RAPGEF2: variants seen among roughly 807,000 people sequenced by gnomAD.
RAPGEF2 encodes the protein PDZ domain containing guanine nucleotide exchange factor (GEF) 1.
RAPGEF2 carries 54 observed loss-of-function variants against 186.7 expected under a neutral mutation model. The observed-to-expected ratio is 0.29, with a 90% CI of 0.23 to 0.36. The LOEUF (loss-of-function observed/expected upper bound fraction) is 0.36, where lower values mean the gene tolerates loss of function less well. RAPGEF2 is among the 10% of genes least tolerant of loss of function. RAPGEF2 has a pLI of 1.00. For missense variants in RAPGEF2, 1,532 were observed against 2,045.0 expected (o/e 0.75, Z 4.84); for synonymous variants, 712 against 705.9 (o/e 1.01, Z -0.14).
intron 1 of RAPGEF2, among the ~76,000 whole-genome samples, chr4:159,131,846 C>T (rs1393061713): frequency 6.6e-6 from 1 of 151,864 alleles, no homozygotes; most frequent in East Asian, 1.9e-4. Context: ...AATACTTAGC[C>T]TTTCTTTGTA....
intron 8 of RAPGEF2, among the ~76,000 whole-genome samples, chr4:159,312,705 C>T (rs1579891212): frequency 6.6e-6 from 1 of 152,104 alleles, no homozygotes; most frequent in African/African-American, 2.4e-5. Context: ...ATAATATATG[C>T]ATTTTAGTTC....
chr4:159,250,665 CTTTTTTT>C (rs34304252), intron 7 of RAPGEF2, among the ~76,000 whole-genome samples: 6 of 123,054 alleles, frequency 4.9e-5, no homozygotes, highest in African/African-American at 9.5e-5. Context: ...TAGCACTCTT[CTTTTTTT>C]TTTTTTTTTT....
chr4:159,270,664 A>G (rs1258414129), intron 7 of RAPGEF2, among the ~76,000 whole-genome samples: 1 of 152,206 alleles, frequency 6.6e-6, no homozygotes, highest in Non-Finnish European at 1.5e-5. Context: ...CATTCAGTGC[A>G]TACCTCAGTT....
intron 7 of RAPGEF2, among the ~76,000 whole-genome samples, chr4:159,294,517 T>C (rs1451463986): frequency 6.6e-6 from 1 of 152,226 alleles, no homozygotes; most frequent in African/African-American, 2.4e-5. Context: ...CTATATTAAT[T>C]AGTATTACAG....
intron 17 of RAPGEF2, among the ~76,000 whole-genome samples, chr4:159,338,092 AAAAC>A (rs1382130848): frequency 2.0e-5 from 3 of 151,728 alleles, no homozygotes; most frequent in Non-Finnish European, 2.9e-5. Context: ...GCTATATCTA[AAAAC>A]AAACAAACAA....
At chr4:159,294,266 C>G (rs957939652) in intron 7 of RAPGEF2, among the ~76,000 whole-genome samples, 1 of 152,176 alleles carries the variant, frequency 6.6e-6, no homozygotes, top group African/African-American at 2.4e-5. Flanking sequence ...TGACTTTAAA[C>G]ACTCATTTCC....
At chr4:159,235,757 A>T (rs1020601133) in intron 4 of RAPGEF2, among the ~76,000 whole-genome samples, 4 of 152,232 alleles carry the variant, frequency 2.6e-5, no homozygotes, top group Non-Finnish European at 4.4e-5. Flanking sequence ...TGTAGTAAAT[A>T]ATCATATTTA....
At chr4:159,172,736 A>G (rs1364434095) in intron 1 of RAPGEF2, among the ~76,000 whole-genome samples, 1 of 152,210 alleles carries the variant, frequency 6.6e-6, no homozygotes, top group Non-Finnish European at 1.5e-5. Flanking sequence ...GGAGAATTCA[A>G]AACATGTATT....
At chr4:159,227,805 T>C (rs1752197645) in intron 4 of RAPGEF2, among the ~76,000 whole-genome samples, 1 of 152,210 alleles carries the variant, frequency 6.6e-6, no homozygotes, top group Non-Finnish European at 1.5e-5. Flanking sequence ...CAGCCTCTTT[T>C]ACCTTTTCCC....
intron 1 of RAPGEF2, among the ~76,000 whole-genome samples, chr4:159,180,961 G>C (rs758786512): frequency 5.9e-5 from 9 of 151,838 alleles, no homozygotes; most frequent in Non-Finnish European, 1.3e-4. Flanking sequence ...TATTTAATTT[G>C]TATGTTATAA....
chr4:159,149,917 G>A (rs1009168699), intron 1 of RAPGEF2, among the ~76,000 whole-genome samples: 2 of 152,148 alleles, frequency 1.3e-5, no homozygotes, highest in African/African-American at 4.8e-5. Context: ...TTTATAAAAT[G>A]TTGTGGCACT....
chr4:159,356,245 TGCAGTCA>T, intron 29 of RAPGEF2, 87 bp downstream of exon 29: 3 of 1,327,804 alleles, frequency 2.3e-6, no homozygotes, highest in Non-Finnish European at 3.1e-6. Context: ...CTCTTAACAC[TGCAGTCA>T]GCTATGTCTA....
At chr4:159,296,215 T>G (rs2110997674) in intron 7 of RAPGEF2, among the ~76,000 whole-genome samples, 1 of 152,308 alleles carries the variant, frequency 6.6e-6, no homozygotes, top group Middle Eastern at 3.4e-3. Context: ...ACTGTGTCAT[T>G]TATAGACACA....
chr4:159,194,811 A>G (rs1748464439), intron 3 of RAPGEF2, among the ~76,000 whole-genome samples: 1 of 152,196 alleles, frequency 6.6e-6, no homozygotes, highest in South Asian at 2.1e-4. Context: ...TGATGTGATC[A>G]CATGTCTCCC....
At chr4:159,324,416 C>T (rs547061896) in intron 11 of RAPGEF2, among the ~76,000 whole-genome samples, 5 of 152,166 alleles carry the variant, frequency 3.3e-5, no homozygotes, top group East Asian at 1.9e-4. Context: ...TTGAACTGCA[C>T]GTAACTATGT....
At chr4:159,356,244 C>G (rs558218517) in intron 29 of RAPGEF2, 86 bp downstream of exon 29, 185 of 1,326,204 alleles carry the variant, frequency 1.4e-4, no homozygotes, top group Non-Finnish European at 1.5e-4. Context: ...TCTCTTAACA[C>G]TGCAGTCAGC....
In RAPGEF2 at chr4:159,323,438, G is replaced by T. The variant is rs760133437; in HGVS notation, c.991-21G>T. Reference sequence around the variant, plus strand: ...TGATCATGATGTTACTTTCTGCTTTGTCTTTATTTTTTTGGATTAGCTGGA... The same window carrying T: ...TGATCATGATGTTACTTTCTGCTTTTTCTTTATTTTTTTGGATTAGCTGGA... On this transcript the variant is annotated intron_variant, in intron 10 of 29. Coordinates refer to ENST00000691494, the MANE Select transcript of RAPGEF2 (RefSeq NM_001394067.2). 6 of 1,566,556 alleles carry T rather than the reference G, an allele frequency of 3.8e-6. No homozygotes were observed. The African/African-American group carries it at 8.3e-5, about 22-fold the overall frequency.
intron 7 of RAPGEF2, among the ~76,000 whole-genome samples, chr4:159,262,026 C>A (rs1242570223): frequency 6.6e-6 from 1 of 152,154 alleles, no homozygotes; most frequent in Admixed American, 6.5e-5. Flanking sequence ...AATTAGGCAT[C>A]TTTTATAATT....
chr4:159,168,169 A>G (rs1745525476), intron 1 of RAPGEF2, among the ~76,000 whole-genome samples: 1 of 152,216 alleles, frequency 6.6e-6, no homozygotes, highest in Non-Finnish European at 1.5e-5. Context: ...CTTTACTTTC[A>G]TACAACAGTA....
Sources: gnomAD v4.1 joint callset for allele counts (sites outside exome capture counted in the v4.1 genomes callset) on GRCh38, gnomAD v4.1.1 for gene constraint, MANE v1.5 for transcripts, NCBI Gene and HGNC (gene_info 2026-07-23, HGNC 2026-07-21) for gene names.